The following ZFYVE16 variants were observed in gnomAD, a reference collection of about 807,000 sequenced individuals.
ZFYVE16 encodes the protein zinc finger FYVE domain-containing protein 16.
ZFYVE16 carries 89 observed loss-of-function variants against 138.1 expected under a neutral mutation model. The ratio of observed to expected loss-of-function variants is 0.64; its 90% CI spans 0.54 to 0.77. The LOEUF is 0.77. ZFYVE16 is among the 30% of genes least tolerant of loss of function. ZFYVE16 has a pLI of 0.00. For synonymous variants in ZFYVE16, 596 were observed against 618.3 expected (o/e 0.96, Z 0.53); for missense variants, 1,793 against 1,786.7 (o/e 1.00, Z -0.06).
chr5:80,446,989 C>T lies in ZFYVE16; in HGVS notation c.2725-1037C>T, dbSNP rs139542593. Among the ~76,000 whole-genome samples the T allele has an allele frequency of 2.9e-3, 448 of 152,126 alleles. 2 individuals carry two copies. Among genetic ancestry groups the T allele is most frequent in the African/African-American group, 0.01 (430 of 41,508 alleles). On this transcript the variant is annotated intron_variant, in intron 7 of 18. Coordinates refer to ENST00000505560, the MANE Select transcript of ZFYVE16 (RefSeq NM_001284236.3). ...GAAAAGATGGATACTAGGCCTGGCG[C>T]GGTGGCTCATGCCTGTAATCCCAGC...
Position 80,441,386 on chromosome 5 carries a change from C to T in ZFYVE16, c.2419+1354C>T, listed in dbSNP as rs1437175650. The stretch of plus-strand genomic sequence containing the variant: ...ATCAAAGAAAATACTGTGGAATGAG[C>T]TTATTTAGTTATCTGTTCAAATTCT... On this transcript the variant is annotated intron_variant, in intron 5 of 18. Coordinates refer to ENST00000505560, the MANE Select transcript of ZFYVE16 (RefSeq NM_001284236.3). 7.1e-6 allele frequency: 7 copies of T among 985,146 alleles called. No individual in the cohort carries two copies. In the African/African-American group the frequency reaches 1.0e-4, roughly 15 times the overall value. The allele number at this position is 985,146 out of a possible 1,614,324, so 61.0% of individuals were successfully genotyped here. A position where few individuals can be genotyped will look rare whatever the true frequency, so the allele number is the denominator to read the frequency against.
At chr5:80,421,322 T>C (rs1175976714) in intron 1 of ZFYVE16, among the ~76,000 whole-genome samples, 7 of 152,198 alleles carry the variant, frequency 4.6e-5, no homozygotes, top group African/African-American at 1.7e-4. Flanking sequence ...TTGTCAACTG[T>C]GGCTTTTGTT....
rs1750918491 is a variant in ZFYVE16, at chr5:80,443,249, T to G, written c.2546T>G (p.Leu849Trp). 14 of 1,611,572 alleles carry G rather than the reference T, an allele frequency of 8.7e-6. No individual in the cohort carries two copies. The highest frequency in any genetic ancestry group is 9.3e-6 in the Non-Finnish European group (11 of 1,179,434). ...QTSSIPSPATLPVSALKQPGV... is the reference protein window; with the variant it reads ...QTSSIPSPATWPVSALKQPGV... Reference sequence around the variant, plus strand: ...TCCAGTATACCTTCACCAGCAACTTTGCCAGTCTCAGCACTTAAACAACCA... The same window carrying G: ...TCCAGTATACCTTCACCAGCAACTTGGCCAGTCTCAGCACTTAAACAACCA... The change falls in exon 6 of 19, where the codon TTG becomes TGG. Residue 849 changes from leucine to tryptophan, a missense_variant. Coordinates refer to ENST00000505560, the MANE Select transcript of ZFYVE16 (RefSeq NM_001284236.3).
At chr5:80,474,229 T>TA (rs1754672764) in intron 17 of ZFYVE16, among the ~76,000 whole-genome samples, 1 of 152,200 alleles carries the variant, frequency 6.6e-6, no homozygotes, top group South Asian at 2.1e-4. Context: ...AGTTTTTTTT[T>TA]AAATTAGAGG....
chr5:80,438,763 C>T lies in ZFYVE16; in HGVS notation c.2078C>T (p.Ser693Phe). The change falls in exon 4 of 19, where the codon TCT becomes TTT. Residue 693 changes from serine (S) to phenylalanine (F), a missense_variant. Physicochemically the swap from Ser to Phe is radical, Grantham distance 155. This residue lies in a region of ZFYVE16 where 1,295 missense variants were observed against 1,204.3 expected (regional missense o/e 1.08). Coordinates refer to ENST00000505560, the MANE Select transcript of ZFYVE16 (RefSeq NM_001284236.3). ...TVVPITCAIDSTADPQVSFNS... is the reference protein window; with the variant it reads ...TVVPITCAIDFTADPQVSFNS... ...GTTCCAATCACTTGTGCTATAGATT[C>T]TACAGCTGATCCACAGGTTAGCTTC... 2 of 1,614,104 alleles carry T rather than the reference C, an allele frequency of 1.2e-6. No individual in the cohort carries two copies. The highest frequency in any genetic ancestry group is 1.7e-6 in the Non-Finnish European group (2 of 1,179,988).
Position 80,427,610 on chromosome 5 carries a change from C to CTTTTTTTTTTTTTTTTTTT in ZFYVE16, c.-40+83_-40+84insTTTTTTTTTTTTTTTTTTT. ...TAGTTTCTTGTGCCTCTGTCGTATG[C>CTTTTTTTTTTTTTTTTTTT]TTTTTTTTTTTTTTTTTTGAATTTT... On this transcript the variant is annotated intron_variant, in intron 2 of 18. Transcript: ENST00000505560. 1.1e-3 allele frequency: 57 copies of CTTTTTTTTTTTTTTTTTTT among 49,990 alleles called. 2 individuals carry two copies. The highest frequency in any genetic ancestry group is 1.8e-3 in the East Asian group (2 of 1,134). 3.1% of individuals were successfully genotyped at this position (49,990 alleles called of 1,614,324 possible). A position where few individuals can be genotyped will look rare whatever the true frequency, so the allele number is the denominator to read the frequency against.
rs1755275462 is a variant in ZFYVE16, at chr5:80,481,666, A to G, written c.*4289A>G. On this transcript the variant is annotated 3_prime_UTR_variant, in exon 19 of 19. Coordinates refer to ENST00000505560, the MANE Select transcript of ZFYVE16 (RefSeq NM_001284236.3). ...AGATTTAAACAGGATAGAGAATATC[A>G]TAATATTCCAAATATATCCCAGAAA... Among the ~76,000 whole-genome samples the G allele has an allele frequency of 6.6e-6, 1 of 152,248 alleles. No individual in the cohort carries two copies. Among genetic ancestry groups the G allele is most frequent in the South Asian group, 2.1e-4 (1 of 4,832 alleles).
At chr5:80,457,853 C>T (rs894434068) in intron 14 of ZFYVE16, among the ~76,000 whole-genome samples, 3 of 150,890 alleles carry the variant, frequency 2.0e-5, no homozygotes, top group Admixed American at 6.6e-5. Flanking sequence ...GGTGAAACCC[C>T]GTCTCTATTA....
intron 1 of ZFYVE16, among the ~76,000 whole-genome samples, chr5:80,426,591 C>G (rs1283804919): frequency 3.9e-5 from 6 of 152,004 alleles, no homozygotes; most frequent in African/African-American, 1.4e-4. Context: ...AGAATAATGG[C>G]TTTTAGCCTC....
chr5:80,471,338 A>T (rs941908952), intron 15 of ZFYVE16, among the ~76,000 whole-genome samples: 1 of 152,212 alleles, frequency 6.6e-6, no homozygotes, highest in African/African-American at 2.4e-5. Context: ...TGCTAATCAC[A>T]GGTTATGGAA....
rs774894765 is a variant in ZFYVE16, at chr5:80,464,491, G to A, written c.4024+4997G>A. Among the ~76,000 whole-genome samples the A allele has an allele frequency of 4.2e-4, 64 of 151,988 alleles. 1 individual carries two copies. Among genetic ancestry groups the A allele is most frequent in the Non-Finnish European group, 1.3e-4 (9 of 67,994 alleles). On this transcript the variant is annotated intron_variant, in intron 15 of 18. Transcript: ENST00000505560. ...CTCCCTTGACACGTGAGGATTATGG[G>A]GATTACAATTCATGATGAGATTTGG... is the stretch of plus-strand genomic sequence containing the variant.
At position 80,470,101 on chromosome 5, in the gene ZFYVE16, A is replaced by ATATATT. The variant is rs1208201212; in HGVS notation, c.4025-2659_4025-2658insATATTT. On this transcript the variant is annotated intron_variant, in intron 15 of 18. Transcript: ENST00000505560. ...TGTGTGTGTGTGTGTGTGTGTGTGTATTTTTTTTTTTTTTTTTTGAGACAG... is the reference window on the plus strand; with the variant it reads ...TGTGTGTGTGTGTGTGTGTGTGTGTATATATTTTTTTTTTTTTTTTTTTTGAGACAG... Among the ~76,000 whole-genome samples the ATATATT allele has an allele frequency of 5.9e-4, 64 of 108,538 alleles. 1 individual carries two copies. The highest frequency in any genetic ancestry group is 1.8e-3 in the African/African-American group (42 of 23,648). 71.2% of individuals were successfully genotyped at this position (108,538 alleles called of 152,430 possible).
rs1750041414 is a variant in ZFYVE16, at chr5:80,437,144, T to G, written c.459T>G (p.Asp153Glu). ...EEDIKKLLPD[D>E]FKSNADSLIG... is the part of the protein sequence containing the mutation. Reference sequence around the variant, plus strand: ...ATATTAAAAAATTATTGCCAGATGATTTTAAGTCTAATGCAGATTCCTTGA... The same window carrying G: ...ATATTAAAAAATTATTGCCAGATGAGTTTAAGTCTAATGCAGATTCCTTGA... Residue 153 changes from aspartate (D) to glutamate (E), a missense_variant, in exon 4 of 19, where the codon GAT becomes GAG. By Grantham distance (45) the Asp-to-Glu change is conservative. Transcript: ENST00000505560. The G allele has an allele frequency of 6.2e-7, 1 of 1,614,006 alleles. No individual in the cohort carries two copies. Among genetic ancestry groups the G allele is most frequent in the Admixed American group, 1.7e-5 (1 of 59,998 alleles).
At position 80,430,766 on chromosome 5, in the gene ZFYVE16, G is replaced by T. The variant is rs868446706; in HGVS notation, c.-40+3221G>T. ...AAATGATAAAGGGGATAACACCACC[G>T]ATCCCACAGAAATACAAACTGCCAT... On this transcript the variant is annotated intron_variant, in intron 2 of 18. Coordinates refer to ENST00000505560, the MANE Select transcript of ZFYVE16 (RefSeq NM_001284236.3). Among the ~76,000 whole-genome samples the T allele has an allele frequency of 3.3e-5, 5 of 152,108 alleles. No homozygotes were observed. The East Asian group carries it at 9.6e-4, about 29-fold the overall frequency.
At chr5:80,413,465 T>C in intron 1 of ZFYVE16, among the ~76,000 whole-genome samples, 1 of 103,096 alleles carries the variant, frequency 9.7e-6, no homozygotes, top group Non-Finnish European at 2.0e-5. Flanking sequence ...GATCAAAACT[T>C]CATCTCAAAA....
chr5:80,413,331 C>T (rs964898495), intron 1 of ZFYVE16, among the ~76,000 whole-genome samples: 1 of 151,154 alleles, frequency 6.6e-6, no homozygotes, highest in Non-Finnish European at 1.5e-5. Flanking sequence ...ATTAGCCAGG[C>T]ATGGTGGCGC....
chr5:80,420,034 ACTC>A (rs1399364754), intron 1 of ZFYVE16, among the ~76,000 whole-genome samples: 1 of 148,800 alleles, frequency 6.7e-6, no homozygotes, highest in African/African-American at 2.5e-5. Flanking sequence ...CTGGTCTTGA[ACTC>A]CTGACCTCGT....
chr5:80,424,909 T>C (rs1312208690), intron 1 of ZFYVE16, among the ~76,000 whole-genome samples: 1 of 152,258 alleles, frequency 6.6e-6, no homozygotes, highest in Non-Finnish European at 1.5e-5. Context: ...AAAATTCTTC[T>C]GAAGTGTACC....
At chr5:80,424,652 G>T (rs1433649788) in intron 1 of ZFYVE16, among the ~76,000 whole-genome samples, 1 of 151,902 alleles carries the variant, frequency 6.6e-6, no homozygotes, top group Non-Finnish European at 1.5e-5. Context: ...AGTAGAGACG[G>T]GGTTTCACTA....
Sources: gnomAD v4.1 joint callset for allele counts (sites outside exome capture counted in the v4.1 genomes callset) on GRCh38, gnomAD v4.1.1 for gene constraint, gnomAD v4.1.1 regional missense constraint, MANE v1.5 for transcripts, NCBI Gene and HGNC (gene_info 2026-07-23, HGNC 2026-07-21) for gene names.